TSPOAP1: variants seen among roughly 807,000 people sequenced by gnomAD.
TSPOAP1 encodes the protein peripheral-type benzodiazepine receptor-associated protein 1.
In TSPOAP1, 87 loss-of-function variants were observed where a neutral mutation model predicts 197.0. That is an observed-to-expected ratio of 0.44 (90% confidence interval 0.37 to 0.53). The LOEUF (loss-of-function observed/expected upper bound fraction) is 0.53, where lower values mean the gene tolerates loss of function less well. Among genes scored for constraint, TSPOAP1 ranks in the 20% least tolerant of loss-of-function variants. The probability of loss-of-function intolerance (pLI) is 0.00; values close to 1 mark genes in which losing one functional copy is unlikely to be tolerated. For missense variants in TSPOAP1, 2,174 were observed against 2,411.3 expected, an observed-to-expected ratio of 0.90 and a Z score of 2.06; for synonymous variants, 913 against 998.9, an observed-to-expected ratio of 0.91 and a Z score of 1.62.
In TSPOAP1 at chr17:58,311,323, G is replaced by T. The variant is rs893916006; in HGVS notation, c.3082-110C>A. The T allele has an allele frequency of 4.1e-6, 6 of 1,453,504 alleles. No homozygotes were observed. In the South Asian group the frequency reaches 7.3e-5, roughly 18 times the overall value. 90.0% of individuals were successfully genotyped at this position (1,453,504 alleles called of 1,614,324 possible). On this transcript the variant is annotated intron_variant, in intron 18 of 31. Coordinates refer to ENST00000343736, the MANE Select transcript of TSPOAP1 (RefSeq NM_004758.4). ...TGACAGCAGTGGCAGCTAGCATTAC[G>T]CCAGGTACTGTGCTAAGCCCTCTGC...
At position 58,316,558 on chromosome 17, in the gene TSPOAP1, GGGCT is replaced by G. The variant is rs746974693; in HGVS notation, c.1873-22_1873-19del. On this transcript the variant is annotated intron_variant, in intron 14 of 31. Coordinates refer to ENST00000343736, the MANE Select transcript of TSPOAP1 (RefSeq NM_004758.4). ...GTGTCCACCTGGGGGCAAACAGAAA[GGGCT>G]GGTTTCTCTTCAGGGCCTGGGGCCA... 7.5e-6 allele frequency: 12 copies of G among 1,592,950 alleles called. No homozygotes were observed. Among genetic ancestry groups the G allele is most frequent in the Non-Finnish European group, 1.7e-6 (2 of 1,166,720 alleles).
Position 58,312,041 on chromosome 17 carries a change from G to A in TSPOAP1, c.2780C>T (p.Thr927Ile). The change falls in exon 17 of 32, where the codon ACC (threonine) becomes ATC (isoleucine). Residue 927 changes from threonine to isoleucine, a missense_variant. Physicochemically the swap from Thr to Ile is moderately conservative, Grantham distance 89. Around this residue, in one of 5 missense-constraint regions of TSPOAP1, gnomAD observed 1,933 missense variants for 2,139.0 expected, o/e 0.90. Transcript: ENST00000343736. ...GEECPPASPS[T>I]YWATFCHLRP... ...TAAGTGGCAGAAGGTGGCCCAGTAG[G>A]TACTGGGGCTGGCAGGTGGGCACTC... 1.9e-6 allele frequency: 3 copies of A among 1,613,580 alleles called. No individual in the cohort carries two copies. Among genetic ancestry groups the A allele is most frequent in the East Asian group, 2.2e-5 (1 of 44,878 alleles).
chr17:58,319,138 G>C lies in TSPOAP1; in HGVS notation c.1651C>G (p.Pro551Ala), dbSNP rs369131510. 4 of 1,550,666 alleles carry C rather than the reference G, an allele frequency of 2.6e-6. No homozygotes were observed. Among genetic ancestry groups the C allele is most frequent in the Admixed American group, 1.9e-5 (1 of 51,436 alleles). ...GGCTGGGGAATGGAGCAGCAGCAGG[G>C]GGGTGGTGGGCAGTCTCCAAGGCTC... The part of the protein sequence containing the change: ...CGSLGDCPPP[P>A]CCCSIPQPCR... Residue 551 changes from proline to alanine, a missense_variant, in exon 13 of 32, where the codon CCC becomes GCC. By Grantham distance (27) the Pro-to-Ala change is conservative (BLOSUM62 -1). This residue lies in a region of TSPOAP1 where 1,933 missense variants were observed against 2,139.0 expected (regional missense o/e 0.90). Coordinates refer to ENST00000343736, the MANE Select transcript of TSPOAP1 (RefSeq NM_004758.4).
chr17:58,312,498 C>G lies in TSPOAP1; in HGVS notation c.2323G>C (p.Glu775Gln), dbSNP rs1415915832. The change falls in exon 17 of 32, where the codon GAG (glutamate) becomes CAG (glutamine). Residue 775 changes from glutamate (E) to glutamine (Q), a missense_variant. Coordinates refer to ENST00000343736, the MANE Select transcript of TSPOAP1 (RefSeq NM_004758.4). ...TCCGGTGATGGGCTCAGACTGAGCT[C>G]GTCCCCTGCATCCTCCTCCTCAGGT... ...PRPEEEDAGD[E>Q]LSLSPSPEGL... 1.2e-6 allele frequency: 2 copies of G among 1,602,682 alleles called. No individual in the cohort carries two copies. Among genetic ancestry groups the G allele is most frequent in the African/African-American group, 2.7e-5 (2 of 74,732 alleles).
Position 58,311,944 on chromosome 17 carries a change from C to T in TSPOAP1, c.2877G>A (p.Trp959Ter). ...TGGCAGCCCGCTGCTCCAGCCTCTC[C>T]CAGCCTGGTTCCCAGGGCCCTTGGG... ...LPPQGPWEPG[W>*]ERLEQRAATL... Residue 959 changes from tryptophan (W) to a stop codon, truncating the protein, a stop_gained, in exon 17 of 32, where the codon TGG (tryptophan) becomes TGA (stop). Transcript: ENST00000343736. LOFTEE classifies it high-confidence loss of function. The T allele has an allele frequency of 6.3e-7, 1 of 1,592,410 alleles. No individual in the cohort carries two copies.
rs1263647671 is a variant in TSPOAP1, at chr17:58,311,075, T to C, written c.3220A>G (p.Ile1074Val). 2.5e-6 allele frequency: 4 copies of C among 1,579,716 alleles called. No individual in the cohort carries two copies. The highest frequency in any genetic ancestry group is 1.8e-5 in the Admixed American group (1 of 54,128). ...CTGGCCGGAGCCAGGGCGGGAGTGA[T>C]AGGAGCCGGGATGGAGTCCGCCGAC... ...GESADSIPAPITPALAPASLP... is the reference protein window; with the variant it reads ...GESADSIPAPVTPALAPASLP... The change falls in exon 19 of 32, where the codon ATC (isoleucine) becomes GTC (valine). Residue 1074 changes from isoleucine to valine, a missense_variant. By Grantham distance (29) the Ile-to-Val change is conservative (BLOSUM62 3). Transcript: ENST00000343736.
At chr17:58,316,757 C>A (rs957842804) in intron 14 of TSPOAP1, among the ~76,000 whole-genome samples, 1 of 152,200 alleles carries the variant, frequency 6.6e-6, no homozygotes, top group Non-Finnish European at 1.5e-5. Context: ...TGGGCAGGGG[C>A]AGTGGGGATA....
rs372641840 is a variant in TSPOAP1 at position 58,308,770 on chromosome 17, T to C, written c.4502A>G (p.Tyr1501Cys). The C allele has an allele frequency of 9.6e-5, 155 of 1,612,910 alleles. No individual in the cohort carries two copies. Among genetic ancestry groups the C allele is most frequent in the Non-Finnish European group, 1.2e-4 (141 of 1,179,994 alleles). Reference protein sequence around the residue: ...SPKCLEISIEYDSEDEQEAGS... With the variant: ...SPKCLEISIECDSEDEQEAGS... ...CGCCTCCTGCTCATCCTCCGAATCA[T>C]ATTCAATGCTGATTTCCAAGCACTT... The change falls in exon 22 of 32, where the codon TAT becomes TGT. Residue 1501 changes from tyrosine (Y) to cysteine (C), a missense_variant. By Grantham distance (194) the Tyr-to-Cys change is radical. Transcript: ENST00000343736.
At position 58,316,470 on chromosome 17, in the gene TSPOAP1, C is replaced by T. The variant is rs1414765994; in HGVS notation, c.1943G>A (p.Gly648Asp). The change falls in exon 15 of 32, where the codon GGC (glycine) becomes GAC (aspartate). Residue 648 changes from glycine to aspartate, a missense_variant. Physicochemically the swap from Gly to Asp is moderately conservative, Grantham distance 94. Coordinates refer to ENST00000343736, the MANE Select transcript of TSPOAP1 (RefSeq NM_004758.4). ...CTGGATCCTGGCTCCTCCCCGGCTG[C>T]CCTCTGGCGCAGCTGGGAGCAGGGA... is the stretch of plus-strand genomic sequence containing the variant. ...SVSLLPAAPE[G>D]SRGGARIQVF... is the part of the protein sequence containing the mutation. The T allele has an allele frequency of 6.2e-7, 1 of 1,613,842 alleles. No individual in the cohort carries two copies. Among genetic ancestry groups the T allele is most frequent in the Non-Finnish European group, 8.5e-7 (1 of 1,179,842 alleles).
chr17:58,303,539 A>T (rs1970782241), intron 31 of TSPOAP1: 1 of 152,052 alleles, frequency 6.6e-6, no homozygotes, highest in African/African-American at 2.4e-5. Flanking sequence ...GGCTCCTTCC[A>T]CAACATCCAG....
chr17:58,320,693 C>T (rs568300946), intron 10 of TSPOAP1, 112 bp from the exon 11 acceptor site: 13 of 818,382 alleles, frequency 1.6e-5, no homozygotes, highest in East Asian at 3.3e-5. Flanking sequence ...AGGAAGAAGC[C>T]GGGAGAAAGA....
At chr17:58,307,477 C>G in intron 24 of TSPOAP1, 134 bp downstream of exon 24, 2 of 1,241,132 alleles carry the variant, frequency 1.6e-6, no homozygotes, top group Non-Finnish European at 2.2e-6. Context: ...AGAGTCAGGT[C>G]CAAACCCATG....
Position 58,308,884 on chromosome 17 carries a change from T to G in TSPOAP1, c.4388A>C (p.Glu1463Ala), listed in dbSNP as rs768918084. Residue 1463 changes from glutamate to alanine, a missense_variant, in exon 22 of 32, where the codon GAG becomes GCG. Glu to Ala is a moderately radical substitution (Grantham distance 107, BLOSUM62 -1). Transcript: ENST00000343736. ...GCCCAGCCGGCCTCTCCCGCTAGCC[T>G]CTAGTCCAGTCCTGGGGCCCTCAAT... ...PVIEGPRTGLEASGRGRLGPS... is the reference protein window; with the variant it reads ...PVIEGPRTGLAASGRGRLGPS... The G allele has an allele frequency of 5.6e-6, 9 of 1,602,616 alleles. No individual in the cohort carries two copies.
intron 12 of TSPOAP1, among the ~76,000 whole-genome samples, 163 bp downstream of exon 12, chr17:58,319,946 C>T (rs530154989): frequency 6.6e-6 from 1 of 152,312 alleles, no homozygotes; most frequent in East Asian, 1.9e-4. Context: ...AAGGGGACAG[C>T]CGCACGTGTC....
chr17:58,317,530 A>G (rs1360309184), intron 14 of TSPOAP1, among the ~76,000 whole-genome samples: 1 of 152,178 alleles, frequency 6.6e-6, no homozygotes, highest in Non-Finnish European at 1.5e-5. Flanking sequence ...CCTCTCCACA[A>G]CCACATCCAA....
At chr17:58,311,844 G>A in intron 17 of TSPOAP1, 48 bp downstream of exon 17, 1 of 1,493,546 alleles carries the variant, frequency 6.7e-7, no homozygotes, top group African/African-American at 1.4e-5. Context: ...CGTCACCCAT[G>A]GCCTGGCCTC....
At chr17:58,311,516 G>A (rs185749499) in intron 18 of TSPOAP1, 55 bp downstream of exon 18, 2 of 1,519,238 alleles carry the variant, frequency 1.3e-6, no homozygotes, top group Non-Finnish European at 1.8e-6. Flanking sequence ...AGACCTCTGA[G>A]CATAGCAAGA....
rs115638492 is a variant in TSPOAP1 at position 58,314,920 on chromosome 17, C to T, written c.2098+1103G>A. ...TTTAGCTAAGGTTGGACAGGGAATA[C>T]GGCATCTTGCCCCCGGTGGCATTTA... On this transcript the variant is annotated intron_variant, in intron 16 of 31. Transcript: ENST00000343736. 9.6e-3 allele frequency among the ~76,000 whole-genome samples: 1,470 copies of T among 152,350 alleles called. 19 individuals are homozygous for T. The highest frequency in any genetic ancestry group is 0.032 in the African/African-American group (1,345 of 41,578).
Position 58,318,364 on chromosome 17 carries a change from C to T in TSPOAP1, c.1788G>A (p.Arg596=). ...APATLTGVPR[R]TAKKAESLSN... ...AGAGAGACTCTGCCTTCTTGGCTGT[C>T]CTTCGAGGGACCCCAGTGAGAGTGG... Residue 596 remains arginine (R), a synonymous_variant, in exon 14 of 32, where the codon AGG becomes AGA. Transcript: ENST00000343736. 6.2e-7 allele frequency: 1 copy of T among 1,614,194 alleles called. No individual in the cohort carries two copies. The highest frequency in any genetic ancestry group is 1.1e-5 in the South Asian group (1 of 91,086).
Sources: gnomAD v4.1 joint callset for allele counts (sites outside exome capture counted in the v4.1 genomes callset) on GRCh38, gnomAD v4.1.1 for gene constraint, gnomAD v4.1.1 regional missense constraint, MANE v1.5 for transcripts, NCBI Gene and HGNC (gene_info 2026-07-23, HGNC 2026-07-21) for gene names.